NCLN: variants seen among roughly 807,000 people sequenced by gnomAD.
NCLN encodes the protein BOS complex subunit NCLN.
NCLN carries 34 observed loss-of-function variants against 69.5 expected under a neutral mutation model. The ratio of observed to expected loss-of-function variants is 0.49; its 90% confidence interval spans 0.37 to 0.65. The LOEUF (loss-of-function observed/expected upper bound fraction) is 0.65. Ranked by LOEUF, NCLN falls within the 30% of genes least tolerant of loss-of-function variation. NCLN has a pLI of 0.00. For synonymous variants in NCLN, 393 were observed against 358.3 expected (o/e 1.10, Z -1.09); for missense variants, 710 against 804.8 (o/e 0.88, Z 1.42).
At chr19:3,203,231 C>T (rs1180496394) in intron 6 of NCLN, among the ~76,000 whole-genome samples, 1 of 151,986 alleles carries the variant, frequency 6.6e-6, no homozygotes, top group African/African-American at 2.4e-5. Flanking sequence ...TTGCTTGAAC[C>T]CGGGAGGCAG....
chr19:3,190,311 G>A (rs933017009), intron 1 of NCLN, among the ~76,000 whole-genome samples: 11 of 152,152 alleles, frequency 7.2e-5, no homozygotes, highest in African/African-American at 2.4e-4. Flanking sequence ...GGGTGCGTGG[G>A]CCCCTGTGGC....
Position 3,207,889 on chromosome 19 carries a change from G to T in NCLN, c.*201G>T, listed in dbSNP as rs1330233740. 25 of 579,200 alleles carry T rather than the reference G, an allele frequency of 4.3e-5. 1 individual carries two copies. In the South Asian group the frequency reaches 5.2e-4, roughly 12 times the overall value. The allele number at this position is 579,200 out of a possible 1,614,324, so 35.9% of individuals were successfully genotyped here. On this transcript the variant is annotated 3_prime_UTR_variant, in exon 15 of 15. Transcript: ENST00000246117. ...GGGGGGATTGTTTCTTCTTTTCCTT[G>T]TCTTTGAACTTCCTTGGAGGAGAGC... is the stretch of plus-strand genomic sequence containing the variant.
intron 3 of NCLN, among the ~76,000 whole-genome samples, chr19:3,194,565 C>T (rs1413225009): frequency 6.6e-6 from 1 of 152,218 alleles, no homozygotes; most frequent in Non-Finnish European, 1.5e-5. Flanking sequence ...GTGGCTGCGG[C>T]AGAGACCATC....
At chr19:3,203,539 A>C (rs1232132574) in intron 6 of NCLN, among the ~76,000 whole-genome samples, 1 of 152,122 alleles carries the variant, frequency 6.6e-6, no homozygotes, top group Non-Finnish European at 1.5e-5. Context: ...GATGCCACTC[A>C]GCACCCTGAA....
chr19:3,190,354 G>T (rs553581909), intron 1 of NCLN, among the ~76,000 whole-genome samples: 8 of 152,286 alleles, frequency 5.3e-5, no homozygotes, highest in Non-Finnish European at 8.8e-5. Flanking sequence ...CTGGTTCTCT[G>T]TGCCCACCTC....
intron 8 of NCLN, 106 bp from the exon 9 acceptor site, chr19:3,204,467 A>C (rs1229527561): frequency 5.5e-6 from 7 of 1,273,028 alleles, no homozygotes; most frequent in Non-Finnish European, 7.4e-6. Flanking sequence ...ATTTCTCCTC[A>C]TTTTGCACCC....
At chr19:3,203,281 C>T (rs1029127436) in intron 6 of NCLN, among the ~76,000 whole-genome samples, 1 of 151,830 alleles carries the variant, frequency 6.6e-6, no homozygotes, top group Non-Finnish European at 1.5e-5. Flanking sequence ...GCACTCCAGC[C>T]TGGGCAGAAA....
intron 2 of NCLN, 123 bp downstream of exon 2, chr19:3,192,783 T>C: frequency 3.5e-6 from 3 of 868,350 alleles, no homozygotes; most frequent in Non-Finnish European, 5.0e-6. Context: ...GGATGGACTG[T>C]TCCCCTGCTC....
rs1194442424 is a variant in NCLN, at chr19:3,185,965, G to C, written c.-66G>C. The C allele has an allele frequency of 7.6e-7, 1 of 1,316,492 alleles. No individual in the cohort carries two copies. The highest frequency in any genetic ancestry group is 4.1e-5 in the Admixed American group (1 of 24,284). 81.6% of individuals were successfully genotyped at this position (1,316,492 alleles called of 1,614,324 possible). On this transcript the variant is annotated 5_prime_UTR_variant, in exon 1 of 15. Coordinates refer to ENST00000246117, the MANE Select transcript of NCLN (RefSeq NM_020170.4). ...CGGCTACCCATGCCGAGGTGAGTCC[G>C]CGGGAGCCGCCGCCGCCGCCGTCCC...
In NCLN at chr19:3,190,889, T is replaced by A. The variant is rs531602423; in HGVS notation, c.185-1581T>A. On this transcript the variant is annotated intron_variant, in intron 1 of 14. Coordinates refer to ENST00000246117, the MANE Select transcript of NCLN (RefSeq NM_020170.4). Reference sequence around the variant, plus strand: ...GGTGATGTGACGTAAGAATTGGGATTTCCGGCTTCTGGGGTGGTCCACTGA... The same window carrying A: ...GGTGATGTGACGTAAGAATTGGGATATCCGGCTTCTGGGGTGGTCCACTGA... Among the ~76,000 whole-genome samples, 6 of 152,300 alleles carry A rather than the reference T, an allele frequency of 3.9e-5. No homozygotes were observed. In the South Asian group the frequency reaches 6.2e-4, roughly 16 times the overall value.
intron 2 of NCLN, 74 bp from the exon 3 acceptor site, chr19:3,193,210 C>G: frequency 7.0e-7 from 1 of 1,423,510 alleles, no homozygotes; most frequent in East Asian, 2.4e-5. Context: ...CCACCAGGGA[C>G]AGTCACTGGG....
chr19:3,201,405 G>C (rs1916122532), intron 5 of NCLN, 118 bp from the exon 6 acceptor site: 2 of 702,322 alleles, frequency 2.8e-6, no homozygotes, highest in African/African-American at 3.5e-5. Context: ...AGAGGTCATG[G>C]GGCTACGGGA....
chr19:3,194,833 C>T (rs1462371857), intron 3 of NCLN, among the ~76,000 whole-genome samples: 5 of 150,754 alleles, frequency 3.3e-5, no homozygotes, highest in Non-Finnish European at 7.4e-5. Flanking sequence ...TCACTGCAAC[C>T]TGAAGGAGGA....
chr19:3,197,346 A>G (rs941570596), intron 4 of NCLN, among the ~76,000 whole-genome samples: 6 of 152,228 alleles, frequency 3.9e-5, no homozygotes, highest in Non-Finnish European at 7.3e-5. Flanking sequence ...GTGGAAAAGC[A>G]TGTTGCAAAA....
intron 12 of NCLN, 125 bp from the exon 13 acceptor site, chr19:3,207,073 C>G (rs1306466814): frequency 2.7e-6 from 3 of 1,107,614 alleles, no homozygotes; most frequent in South Asian, 2.5e-5. Context: ...ATCCGCCTGC[C>G]TCAACCTCCC....
intron 6 of NCLN, among the ~76,000 whole-genome samples, chr19:3,203,238 G>A (rs567172175): frequency 6.6e-6 from 1 of 152,040 alleles, no homozygotes; most frequent in Admixed American, 6.5e-5. Flanking sequence ...AACCCGGGAG[G>A]CAGAGGTTGC....
chr19:3,192,742 C>T, intron 2 of NCLN, 82 bp downstream of exon 2: 1 of 1,277,154 alleles, frequency 7.8e-7, no homozygotes. Context: ...CTAGGCGGGT[C>T]ACTTCGCCTC....
At chr19:3,204,793 C>G in intron 9 of NCLN, 42 bp downstream of exon 9, 5 of 1,395,270 alleles carry the variant, frequency 3.6e-6, no homozygotes, top group Non-Finnish European at 4.6e-6. Context: ...TAGGGCTTTC[C>G]TGGGGGCTGA....
At position 3,205,946 on chromosome 19, in the gene NCLN, G is replaced by T. The variant is rs774365438; in HGVS notation, c.1216G>T (p.Val406Leu). The change falls in exon 10 of 15, where the codon GTG (valine) becomes TTG (leucine). Residue 406 changes from valine to leucine, a missense_variant. Physicochemically the swap from Val to Leu is conservative, Grantham distance 32. Coordinates refer to ENST00000246117, the MANE Select transcript of NCLN (RefSeq NM_020170.4). This position sits in a 1 kb window ranked among gnomAD's most constrained non-coding sequence, Gnocchi z 4.6. ...TGTTTTTGAATCGTGAAGGTCCCGG[G>T]TGGATTCTAAGACCCTGACCCGTAA... ...RSSIMDVRSRVDSKTLTRNTR... is the reference protein window; with the variant it reads ...RSSIMDVRSRLDSKTLTRNTR... The T allele has an allele frequency of 1.2e-6, 2 of 1,613,642 alleles. No homozygotes were observed. The highest frequency in any genetic ancestry group is 2.7e-5 in the African/African-American group (2 of 74,882).
Sources: allele counts gnomAD v4.1 joint callset (sites outside exome capture counted in the v4.1 genomes callset), GRCh38; gene constraint gnomAD v4.1.1; non-coding constraint Gnocchi (gnomAD v3.1); transcripts MANE v1.5; gene names NCBI Gene and HGNC (gene_info 2026-07-23, HGNC 2026-07-21).